ITGA9: variants seen among roughly 807,000 people sequenced by gnomAD.
ITGA9 encodes integrin alpha-9.
In ITGA9, 56 loss-of-function variants were observed where a neutral mutation model predicts 127.8. That is an observed-to-expected ratio of 0.44 (90% CI 0.35 to 0.55). The LOEUF (loss-of-function observed/expected upper bound fraction) is 0.55. Among genes scored for constraint, ITGA9 ranks in the 20% least tolerant of loss-of-function variants. The pLI, the probability that ITGA9 is intolerant of heterozygous loss-of-function variation, is 0.00. For synonymous variants in ITGA9, 508 were observed against 514.5 expected (o/e 0.99, Z 0.17); for missense variants, 1,196 against 1,347.1 (o/e 0.89, Z 1.76).
At chr3:37,781,205 C>A (rs1002129674) in intron 25 of ITGA9, among the ~76,000 whole-genome samples, 1 of 152,240 alleles carries the variant, frequency 6.6e-6, no homozygotes, top group Non-Finnish European at 1.5e-5. Flanking sequence ...GCCACAAGCA[C>A]CCAGGTGATG....
intron 15 of ITGA9, among the ~76,000 whole-genome samples, chr3:37,608,700 G>T (rs376454864): frequency 3.3e-5 from 5 of 152,136 alleles, no homozygotes; most frequent in Non-Finnish European, 1.5e-5. Flanking sequence ...GTGACATAAA[G>T]TTGAAGACAT....
chr3:37,480,201 T>C (rs1209927769), intron 3 of ITGA9, among the ~76,000 whole-genome samples: 1 of 151,724 alleles, frequency 6.6e-6, no homozygotes, highest in African/African-American at 2.4e-5. Flanking sequence ...CTGGGGCCAC[T>C]GTCATGTCCA....
chr3:37,752,161 G>T (rs116122272), intron 23 of ITGA9, among the ~76,000 whole-genome samples: 1 of 152,178 alleles, frequency 6.6e-6, no homozygotes, highest in Non-Finnish European at 1.5e-5. Flanking sequence ...CTGTGGCTCC[G>T]CCCCTCCCTT....
rs1553674108 is a variant in ITGA9, at chr3:37,818,191, T to TTAAAAAAAAAAAA, written c.3010-700_3010-699insTAAAAAAAAAAAA. The TTAAAAAAAAAAAA allele has an allele frequency of 5.3e-3, 169 of 31,966 alleles. 3 individuals are homozygous for TTAAAAAAAAAAAA. Among genetic ancestry groups the TTAAAAAAAAAAAA allele is most frequent in the African/African-American group, 0.015 (162 of 10,664 alleles). 2.0% of individuals were successfully genotyped at this position (31,966 alleles called of 1,614,324 possible). ...CTTTCCACTGTACATTAAGACTCTC[T>TTAAAAAAAAAAAA]AAAAAAAAAAAAAAAAAAAAAAAAA... On this transcript the variant is annotated intron_variant, in intron 27 of 27. Coordinates refer to ENST00000264741, the MANE Select transcript of ITGA9 (RefSeq NM_002207.3).
Position 37,542,485 on chromosome 3 carries a change from T to C in ITGA9, c.1589T>C (p.Val530Ala), listed in dbSNP as rs771205074. 1.9e-5 allele frequency: 31 copies of C among 1,613,920 alleles called. No homozygotes were observed. The highest frequency in any genetic ancestry group is 2.5e-5 in the Non-Finnish European group (30 of 1,180,012). ...AAGGAGAAGGGCCAGATGCCCAGGGTCTACTTTGTGCTGCTGGGAGAGACC... is the reference window on the plus strand; with the variant it reads ...AAGGAGAAGGGCCAGATGCCCAGGGCCTACTTTGTGCTGCTGGGAGAGACC... ...AKKEKGQMPR[V>A]YFVLLGETMG... The change falls in exon 15 of 28, where the codon GTC becomes GCC. Residue 530 changes from valine (V) to alanine (A), a missense_variant. Coordinates refer to ENST00000264741, the MANE Select transcript of ITGA9 (RefSeq NM_002207.3).
chr3:37,770,875 C>A (rs1039567592), intron 23 of ITGA9, among the ~76,000 whole-genome samples: 27 of 152,190 alleles, frequency 1.8e-4, no homozygotes, highest in African/African-American at 6.5e-4. Flanking sequence ...TGACAGCTTC[C>A]CCAGTCACCA....
At chr3:37,548,661 G>A (rs192980190) in intron 15 of ITGA9, among the ~76,000 whole-genome samples, 1 of 152,226 alleles carries the variant, frequency 6.6e-6, no homozygotes, top group East Asian at 1.9e-4. Context: ...TGCTTCTCCA[G>A]AAGAGGCTCC....
At position 37,674,741 on chromosome 3, in the gene ITGA9, G is replaced by A. The variant is rs145933207; in HGVS notation, c.1917-9124G>A. Among the ~76,000 whole-genome samples, 340 of 152,338 alleles carry A rather than the reference G, an allele frequency of 2.2e-3. 1 individual carries two copies. Among genetic ancestry groups the A allele is most frequent in the African/African-American group, 7.3e-3 (305 of 41,574 alleles). On this transcript the variant is annotated intron_variant, in intron 17 of 27. Transcript: ENST00000264741. ...CCCACTGATGGTCAGTCTGGGGCCA[G>A]GGGTGTCTTTGGTCACCCACACCCA...
At chr3:37,471,887 C>G (rs1262869298) in intron 2 of ITGA9, among the ~76,000 whole-genome samples, 1 of 152,108 alleles carries the variant, frequency 6.6e-6, no homozygotes, top group East Asian at 1.9e-4. Context: ...AAGCCTATCT[C>G]TACTAAAAAT....
chr3:37,722,463 C>T (rs1039647178), intron 18 of ITGA9, among the ~76,000 whole-genome samples: 1 of 152,156 alleles, frequency 6.6e-6, no homozygotes, highest in Admixed American at 6.5e-5. Flanking sequence ...GCTGTCGTAC[C>T]CCTTCCCCTA....
At chr3:37,701,039 A>G (rs6550502) in intron 18 of ITGA9, among the ~76,000 whole-genome samples, 111,966 of 152,072 alleles carry the variant, frequency 0.74, 42,391 homozygotes, top group African/African-American at 0.93. Flanking sequence ...TCACTGAGGA[A>G]CAGCCTATGT....
In ITGA9 at chr3:37,565,819, T is replaced by C. The variant is rs550410239; in HGVS notation, c.1689+23234T>C. On this transcript the variant is annotated intron_variant, in intron 15 of 27. Coordinates refer to ENST00000264741, the MANE Select transcript of ITGA9 (RefSeq NM_002207.3). The stretch of plus-strand genomic sequence containing the variant: ...TAACATTCCCACGTGATGCTGCTGG[T>C]CTAGGGACCCCAGTGTGGAACCCTT... Among the ~76,000 whole-genome samples the C allele has an allele frequency of 3.9e-5, 6 of 152,340 alleles. No individual in the cohort carries two copies. In the South Asian group the frequency reaches 1.2e-3, roughly 32 times the overall value.
chr3:37,493,744 G>A (rs905126250), intron 4 of ITGA9, among the ~76,000 whole-genome samples: 14 of 152,326 alleles, frequency 9.2e-5, no homozygotes, highest in Admixed American at 9.1e-4. Flanking sequence ...TCCCAGGGAT[G>A]AGGGACCGGT....
intron 3 of ITGA9, among the ~76,000 whole-genome samples, chr3:37,475,760 C>G (rs1180271857): frequency 6.6e-6 from 1 of 152,206 alleles, no homozygotes; most frequent in Admixed American, 6.5e-5. Context: ...ACCACCTTAA[C>G]CATTTTGAGT....
intron 5 of ITGA9, among the ~76,000 whole-genome samples, chr3:37,500,170 T>C (rs1698773791): frequency 1.3e-5 from 2 of 152,226 alleles, no homozygotes; most frequent in South Asian, 4.1e-4. Context: ...CTTATTTCTG[T>C]TTTTTGTACT....
At chr3:37,456,571 A>G (rs1425866136) in intron 1 of ITGA9, among the ~76,000 whole-genome samples, 1 of 152,130 alleles carries the variant, frequency 6.6e-6, no homozygotes, top group African/African-American at 2.4e-5. Context: ...CTGGAGTCCA[A>G]AGTGGTTGGG....
At chr3:37,600,836 C>T (rs1338663993) in intron 15 of ITGA9, among the ~76,000 whole-genome samples, 1 of 152,224 alleles carries the variant, frequency 6.6e-6, no homozygotes, top group Non-Finnish European at 1.5e-5. Flanking sequence ...CAGGAACCCC[C>T]AACCCCATGT....
intron 11 of ITGA9, among the ~76,000 whole-genome samples, chr3:37,520,252 G>C (rs1422392948): frequency 6.6e-6 from 1 of 152,186 alleles, no homozygotes; most frequent in Non-Finnish European, 1.5e-5. Context: ...CTGGCCTCCT[G>C]CTGAGCTCAG....
intron 15 of ITGA9, chr3:37,585,771 G>A (rs559251252): frequency 5.2e-4 from 168 of 321,148 alleles, no homozygotes; most frequent in Admixed American, 8.8e-4. Context: ...CAGTGTATTT[G>A]GTTTTCTTAA....
Sources: gnomAD v4.1 joint callset for allele counts (sites outside exome capture counted in the v4.1 genomes callset) on GRCh38, gnomAD v4.1.1 for gene constraint, MANE v1.5 for transcripts, NCBI Gene and HGNC (gene_info 2026-07-23, HGNC 2026-07-21) for gene names.